The following WDR20 variants were observed in gnomAD, a reference collection of about 807,000 sequenced individuals.
The protein encoded by WDR20 is WD repeat domain 20.
WDR20 carries 3 observed loss-of-function variants against 38.7 expected under a neutral mutation model. That is an observed-to-expected ratio of 0.08 (90% CI 0.04 to 0.20). The LOEUF (loss-of-function observed/expected upper bound fraction) is 0.20. Ranked by LOEUF, WDR20 falls within the 10% of genes least tolerant of loss-of-function variation. WDR20 has a pLI of 1.00. For synonymous variants in WDR20, 298 were observed against 285.6 expected, an observed-to-expected ratio of 1.04 and a Z score of -0.44; for missense variants, 559 against 727.7, an observed-to-expected ratio of 0.77 and a Z score of 2.67.
At chr14:102,139,741 T>C, upstream of WDR20, 1 of 908,630 alleles carries the variant, frequency 1.1e-6, no homozygotes, top group Non-Finnish European at 1.6e-6. Context: ...TGAGCACGCC[T>C]GCGCAGTCGG....
chr14:102,173,473 A>G (rs1019077260), intron 1 of WDR20, among the ~76,000 whole-genome samples: 1 of 129,750 alleles, frequency 7.7e-6, no homozygotes, highest in Non-Finnish European at 1.5e-5. Context: ...TATTATTATT[A>G]TTATTATTTT....
intron 1 of WDR20, among the ~76,000 whole-genome samples, chr14:102,154,222 AC>A (rs1429108260): frequency 6.6e-6 from 1 of 152,232 alleles, no homozygotes; most frequent in African/African-American, 2.4e-5. Context: ...CTCTCAGACT[AC>A]TGTAACACAA....
At chr14:102,144,343 G>A (rs761861436) in intron 1 of WDR20, among the ~76,000 whole-genome samples, 7 of 152,058 alleles carry the variant, frequency 4.6e-5, no homozygotes, top group Admixed American at 2.0e-4. Flanking sequence ...TTAGCTGGGC[G>A]TGGTGGTGCT....
Position 102,208,723 on chromosome 14 carries a change from A to C in WDR20, c.553A>C (p.Thr185Pro). ...YLYNVEHTCGTTAPHYQLLKQ... is the reference protein window; with the variant it reads ...YLYNVEHTCGPTAPHYQLLKQ... ...ATATAATGTGGAGCACACTTGTGGC[A>C]CCACAGCCCCCCACTACCAGCTTCT... The change falls in exon 3 of 3, where the codon ACC becomes CCC. Residue 185 changes from threonine to proline, a missense_variant. Physicochemically the swap from Thr to Pro is conservative, Grantham distance 38. Coordinates refer to ENST00000342702, the MANE Select transcript of WDR20 (RefSeq NM_144574.4). This position sits in a 1 kb window ranked among gnomAD's most constrained non-coding sequence, Gnocchi z 5.6. 6.2e-7 allele frequency: 1 copy of C among 1,614,200 alleles called. No homozygotes were observed. The highest frequency in any genetic ancestry group is 8.5e-7 in the Non-Finnish European group (1 of 1,180,036).
In WDR20 at chr14:102,202,473, C is replaced by T. The variant is rs188681796; in HGVS notation, c.433-6130C>T. 5.3e-5 allele frequency among the ~76,000 whole-genome samples: 8 copies of T among 149,694 alleles called. No homozygotes were observed. In the South Asian group the frequency reaches 1.3e-3, roughly 24 times the overall value. ...CGGCTCACTGCAAACCTCTGCCTCC[C>T]GAGTTCACACCATTCTCCTGCCTCA... On this transcript the variant is annotated intron_variant, in intron 2 of 2. Coordinates refer to ENST00000342702, the MANE Select transcript of WDR20 (RefSeq NM_144574.4).
downstream of WDR20, among the ~76,000 whole-genome samples, chr14:102,215,195 G>C (rs1317628715): frequency 2.0e-5 from 3 of 152,234 alleles, no homozygotes; most frequent in Non-Finnish European, 4.4e-5. Context: ...TCGATGAAAT[G>C]TTCTGCGTCT....
chr14:102,153,558 A>C (rs1038975457), intron 1 of WDR20, among the ~76,000 whole-genome samples: 1 of 152,030 alleles, frequency 6.6e-6, no homozygotes, highest in Non-Finnish European at 1.5e-5. Context: ...TGCCCGCCTC[A>C]GCCTCCAAAA....
rs1362833461 is a variant in WDR20, at chr14:102,222,621, T to C, written c.1693-209T>C. 1.3e-5 allele frequency among the ~76,000 whole-genome samples: 2 copies of C among 152,118 alleles called. No homozygotes were observed. The highest frequency in any genetic ancestry group is 4.8e-5 in the African/African-American group (2 of 41,426). On this transcript the variant is annotated intron_variant, in intron 3 of 3. Coordinates refer to the WDR20 transcript ENST00000335263. This position sits in a 1 kb window ranked among gnomAD's most constrained non-coding sequence, Gnocchi z 4.4. ...CTTGGACGGTATTGAGGCCACAGTA[T>C]TGCACCCAGCAGGGTTCCAATTCTC...
intron 1 of WDR20, among the ~76,000 whole-genome samples, chr14:102,188,655 C>G (rs12893792): frequency 0.077 from 11,654 of 151,404 alleles, 603 homozygotes; most frequent in Non-Finnish European, 0.12. Flanking sequence ...GTTCTTGGAG[C>G]CTAGGAGTTT....
At chr14:102,150,107 A>G (rs1488754298) in intron 1 of WDR20, among the ~76,000 whole-genome samples, 1 of 152,206 alleles carries the variant, frequency 6.6e-6, no homozygotes, top group Admixed American at 6.5e-5. Flanking sequence ...AATAGCTTAA[A>G]TATATAGGTT....
At chr14:102,206,441 G>A (rs1467518989) in intron 2 of WDR20, among the ~76,000 whole-genome samples, 1 of 152,216 alleles carries the variant, frequency 6.6e-6, no homozygotes. Context: ...GAGTTCTCAT[G>A]CAGTTTTTTG....
intron 2 of WDR20, among the ~76,000 whole-genome samples, chr14:102,204,031 G>C (rs944946789): frequency 6.6e-6 from 1 of 152,162 alleles, no homozygotes; most frequent in African/African-American, 2.4e-5. Context: ...TTAAATGACT[G>C]TGCTTCCCAC....
chr14:102,218,445 T>C (rs1413941034), downstream of WDR20, among the ~76,000 whole-genome samples: 1 of 152,222 alleles, frequency 6.6e-6, no homozygotes, highest in Non-Finnish European at 1.5e-5. Flanking sequence ...TGACGTGGCC[T>C]GTGGCCCTCA....
At chr14:102,224,235 T>A (rs1404197016), downstream of WDR20, among the ~76,000 whole-genome samples, 1 of 151,788 alleles carries the variant, frequency 6.6e-6, no homozygotes, top group East Asian at 1.9e-4. Context: ...AGAGATGGGG[T>A]TTCACCATGT....
chr14:102,141,860 G>A (rs1460300426), intron 1 of WDR20, among the ~76,000 whole-genome samples: 1 of 152,052 alleles, frequency 6.6e-6, no homozygotes, highest in Non-Finnish European at 1.5e-5. Context: ...AATACGATGT[G>A]CTTAAAAACT....
chr14:102,211,622 A>AT (rs1047737659), downstream of WDR20, among the ~76,000 whole-genome samples: 7 of 152,232 alleles, frequency 4.6e-5, no homozygotes, highest in African/African-American at 1.7e-4. The surrounding 1 kb of genome is among the most constrained non-coding windows in gnomAD (Gnocchi z 4.2). Flanking sequence ...TACCTGTGGA[A>AT]TACGGGCCTT....
intron 1 of WDR20, among the ~76,000 whole-genome samples, chr14:102,163,997 C>T (rs1336264430): frequency 1.3e-5 from 2 of 152,118 alleles, no homozygotes; most frequent in East Asian, 1.9e-4. Context: ...ATTAGCTCAG[C>T]TAATTTAAAA....
chr14:102,178,289 G>A (rs1334911271), intron 1 of WDR20, among the ~76,000 whole-genome samples: 1 of 151,928 alleles, frequency 6.6e-6, no homozygotes, highest in East Asian at 1.9e-4. Flanking sequence ...CTACTTGGGA[G>A]GCTGAGGCAG....
rs756954703 is a variant in WDR20 at position 102,140,171 on chromosome 14, A to G, written c.248A>G (p.Lys83Arg). The G allele has an allele frequency of 6.2e-7, 1 of 1,611,612 alleles. No individual in the cohort carries two copies. The change falls in exon 1 of 3, where the codon AAG becomes AGG. Residue 83 changes from lysine to arginine, a missense_variant and splice_region_variant. By Grantham distance (26) the Lys-to-Arg change is conservative. Coordinates refer to ENST00000342702, the MANE Select transcript of WDR20 (RefSeq NM_144574.4). ...TTCTATATCTACAAGGGGGTCCGCAAGGTACCGACCCGGGCGTCACCGGAG... is the reference window on the plus strand; with the variant it reads ...TTCTATATCTACAAGGGGGTCCGCAGGGTACCGACCCGGGCGTCACCGGAG... Reference protein sequence around the residue: ...LYFYIYKGVRKAADLSKPIDK... With the variant: ...LYFYIYKGVRRAADLSKPIDK...
Sources: allele counts gnomAD v4.1 joint callset (sites outside exome capture counted in the v4.1 genomes callset), GRCh38; gene constraint gnomAD v4.1.1; non-coding constraint Gnocchi (gnomAD v3.1); transcripts MANE v1.5; gene names NCBI Gene and HGNC (gene_info 2026-07-23, HGNC 2026-07-21).